The following KHDRBS2 variants were observed in gnomAD, a reference collection of about 807,000 sequenced individuals.
KHDRBS2 encodes KH RNA binding domain containing, signal transduction associated 2, also known as KH domain-containing, RNA-binding, signal transduction-associated protein 2.
Under a neutral mutation model 44.3 loss-of-function variants are expected in KHDRBS2, and 26 were observed. The ratio of observed to expected loss-of-function variants is 0.59; its 90% CI spans 0.43 to 0.81. KHDRBS2 has a LOEUF of 0.81. Ranked by LOEUF, KHDRBS2 falls within the 40% of genes least tolerant of loss-of-function variation. The probability of loss-of-function intolerance (pLI) is 0.00; values close to 1 mark genes in which losing one functional copy is unlikely to be tolerated. For missense variants in KHDRBS2, 476 were observed against 433.1 expected, an observed-to-expected ratio of 1.10 and a Z score of -0.88; for synonymous variants, 194 against 151.1, an observed-to-expected ratio of 1.28 and a Z score of -2.08.
intron 2 of KHDRBS2, among the ~76,000 whole-genome samples, chr6:62,079,863 A>G (rs1797062738): frequency 1.3e-5 from 2 of 151,992 alleles, no homozygotes; most frequent in Non-Finnish European, 2.9e-5. Flanking sequence ...CACAATAGGA[A>G]CTCTTCCAAA....
At chr6:61,690,081 C>T (rs1767226139) in intron 8 of KHDRBS2, among the ~76,000 whole-genome samples, 2 of 151,836 alleles carry the variant, frequency 1.3e-5, no homozygotes, top group South Asian at 4.2e-4. Flanking sequence ...TTATTTCAGA[C>T]CAACGTATTT....
chr6:61,701,361 T>C (rs1204136), intron 7 of KHDRBS2, among the ~76,000 whole-genome samples: 21,072 of 151,998 alleles, frequency 0.14, 2,034 homozygotes, highest in South Asian at 0.27. Context: ...ATTTGAGGCT[T>C]AACAGGATAC....
intron 1 of KHDRBS2, among the ~76,000 whole-genome samples, chr6:62,204,390 T>C (rs1399862484): frequency 6.6e-6 from 1 of 152,124 alleles, no homozygotes; most frequent in Non-Finnish European, 1.5e-5. Context: ...GTAAACTGGA[T>C]ATTACAAGTT....
the KHDRBS2 span, among the ~76,000 whole-genome samples, chr6:61,661,694 C>T: frequency 1.3e-5 from 2 of 151,620 alleles, no homozygotes; most frequent in African/African-American, 2.4e-5. Flanking sequence ...TTACAAGGGA[C>T]ATGAAGGACC....
intron 4 of KHDRBS2, among the ~76,000 whole-genome samples, chr6:61,965,186 T>C (rs1172499493): frequency 2.6e-5 from 4 of 152,044 alleles, no homozygotes; most frequent in Admixed American, 6.6e-5. Flanking sequence ...GGAGGGCTTA[T>C]GGTTTGCCAT....
chr6:62,049,124 G>T (rs1788404865), intron 2 of KHDRBS2, among the ~76,000 whole-genome samples: 1 of 151,680 alleles, frequency 6.6e-6, no homozygotes, highest in Non-Finnish European at 1.5e-5. Context: ...TTTTTTTACT[G>T]GAGTATGGAT....
At chr6:61,561,186 ACTCTCTCTCT>A in the KHDRBS2 span, among the ~76,000 whole-genome samples, 246 of 148,546 alleles carry the variant, frequency 1.7e-3, 2 homozygotes, top group Non-Finnish European at 4.3e-4. Flanking sequence ...ATAAATGGAG[ACTCTCTCTCT>A]CTCTCTCCTT....
rs1455545580 is a variant in KHDRBS2 at position 62,178,801 on chromosome 6, TACTA to T, written c.92-1493_92-1490del. Reference sequence around the variant, plus strand: ...TTTGCTCTTAGTCAATGTACTAAAATACTAACTAAGATAAGAATGTGACAGTGTT... The same window carrying T: ...TTTGCTCTTAGTCAATGTACTAAAATACTAAGATAAGAATGTGACAGTGTT... On this transcript the variant is annotated intron_variant, in intron 1 of 8. Transcript: ENST00000281156. Among the ~76,000 whole-genome samples the T allele has an allele frequency of 1.3e-4, 19 of 151,580 alleles. No homozygotes were observed. The East Asian group carries it at 1.3e-3, about 11-fold the overall frequency.
intron 2 of KHDRBS2, among the ~76,000 whole-genome samples, chr6:62,143,824 A>G (rs1049523075): frequency 2.0e-5 from 3 of 151,966 alleles, no homozygotes; most frequent in African/African-American, 4.8e-5. Context: ...GTCCTATATT[A>G]TGGATTCATG....
chr6:61,746,426 T>C lies in KHDRBS2; in HGVS notation c.811-13662A>G, dbSNP rs1373638088. 2.0e-5 allele frequency among the ~76,000 whole-genome samples: 3 copies of C among 152,004 alleles called. No individual in the cohort carries two copies. In the East Asian group the frequency reaches 5.8e-4, roughly 29 times the overall value. On this transcript the variant is annotated intron_variant, in intron 6 of 8. Transcript: ENST00000281156. The stretch of plus-strand genomic sequence containing the variant: ...TGCTGTGTTTGGTTTTCTGTTCCTA[T>C]GTTAGTTTGCTGAAGATGATGGTTT...
the KHDRBS2 span, among the ~76,000 whole-genome samples, chr6:61,672,699 T>C: frequency 6.6e-6 from 1 of 152,116 alleles, no homozygotes; most frequent in African/African-American, 2.4e-5. Flanking sequence ...GGTTGTGTGT[T>C]TTTTTCTTGT....
At chr6:62,106,616 G>T (rs1411032398) in intron 2 of KHDRBS2, among the ~76,000 whole-genome samples, 1 of 152,086 alleles carries the variant, frequency 6.6e-6, no homozygotes, top group Non-Finnish European at 1.5e-5. Context: ...TATGAGGCCA[G>T]CATCATCCTG....
At chr6:62,033,530 A>G (rs920504943) in intron 3 of KHDRBS2, among the ~76,000 whole-genome samples, 14 of 151,836 alleles carry the variant, frequency 9.2e-5, no homozygotes, top group African/African-American at 3.1e-4. Flanking sequence ...TTCAGTGGGA[A>G]TCATACAGGC....
At chr6:62,149,845 A>G (rs1814726808) in intron 2 of KHDRBS2, among the ~76,000 whole-genome samples, 1 of 152,206 alleles carries the variant, frequency 6.6e-6, no homozygotes, top group Admixed American at 6.5e-5. Context: ...TCATCAGCAT[A>G]GGCCTAAATT....
At chr6:62,279,848 C>G (rs1417739705) in intron 1 of KHDRBS2, among the ~76,000 whole-genome samples, 3 of 152,144 alleles carry the variant, frequency 2.0e-5, no homozygotes, top group Non-Finnish European at 4.4e-5. Context: ...GAGGGGCCAA[C>G]AGGGGGCTGG....
At chr6:61,666,886 C>A in the KHDRBS2 span, among the ~76,000 whole-genome samples, 1 of 150,952 alleles carries the variant, frequency 6.6e-6, no homozygotes, top group Non-Finnish European at 1.5e-5. Flanking sequence ...GATGGCTACA[C>A]TTTCATGGAA....
chr6:62,179,032 T>A (rs1179107644), intron 1 of KHDRBS2, among the ~76,000 whole-genome samples: 1 of 151,654 alleles, frequency 6.6e-6, no homozygotes, highest in African/African-American at 2.4e-5. Context: ...TTTTTGTTAT[T>A]CTATCTTTAA....
the KHDRBS2 span, among the ~76,000 whole-genome samples, chr6:61,645,474 A>T: frequency 1.3e-5 from 2 of 151,590 alleles, no homozygotes; most frequent in African/African-American, 2.4e-5. Context: ...AAAAAAAAAA[A>T]TTTAAAAACA....
intron 2 of KHDRBS2, among the ~76,000 whole-genome samples, chr6:62,151,748 A>G (rs945511943): frequency 6.6e-6 from 1 of 152,216 alleles, no homozygotes; most frequent in Non-Finnish European, 1.5e-5. Flanking sequence ...GTAATGCAAC[A>G]TAACTGAAAA....
Sources: allele counts gnomAD v4.1 joint callset (sites outside exome capture counted in the v4.1 genomes callset), GRCh38; gene constraint gnomAD v4.1.1; transcripts MANE v1.5; gene names NCBI Gene and HGNC (gene_info 2026-07-23, HGNC 2026-07-21).